Variants in BAZ1A observed in about 807,000 individuals in gnomAD.
The protein encoded by BAZ1A is bromodomain adjacent to zinc finger domain protein 1A.
In BAZ1A, 50 loss-of-function variants were observed where a neutral mutation model predicts 185.2. That is an observed-to-expected ratio of 0.27 (90% CI 0.22 to 0.34). The LOEUF (loss-of-function observed/expected upper bound fraction) is 0.34, where lower values mean the gene tolerates loss of function less well. Among genes scored for constraint, BAZ1A ranks in the 10% least tolerant of loss-of-function variants. BAZ1A has a pLI of 1.00. For synonymous variants in BAZ1A, 571 were observed against 615.6 expected, an observed-to-expected ratio of 0.93 and a Z score of 1.07; for missense variants, 1,356 against 1,839.9, an observed-to-expected ratio of 0.74 and a Z score of 4.81.
chr14:34,779,048 GGGTTTCACCAA>G (rs983023578), intron 17 of BAZ1A, among the ~76,000 whole-genome samples: 17 of 151,998 alleles, frequency 1.1e-4, no homozygotes, highest in Admixed American at 5.2e-4. Context: ...TGTGGCGATG[GGGTTTCACCAA>G]GGCTGATTTT....
intron 9 of BAZ1A, among the ~76,000 whole-genome samples, chr14:34,799,426 G>A (rs1172858037): frequency 1.3e-5 from 2 of 151,962 alleles, no homozygotes; most frequent in African/African-American, 4.8e-5. Context: ...ACTAAAATGA[G>A]CACAGAGCAT....
chr14:34,842,479 C>G (rs1389275810), intron 3 of BAZ1A, among the ~76,000 whole-genome samples: 1 of 152,140 alleles, frequency 6.6e-6, no homozygotes, highest in African/African-American at 2.4e-5. Flanking sequence ...TTTATTGAAG[C>G]ATTTTTCTCT....
Position 34,830,478 on chromosome 14 carries a change from G to A in BAZ1A, c.393-4322C>T, listed in dbSNP as rs187610317. On this transcript the variant is annotated intron_variant, in intron 3 of 26. Coordinates refer to ENST00000360310, the MANE Select transcript of BAZ1A (RefSeq NM_013448.3). Reference sequence around the variant, plus strand: ...TATAAAATCTAGGCAAATCTCTAGAGAGAAGATAGACAAAGTAGGTACCAG... The same window carrying A: ...TATAAAATCTAGGCAAATCTCTAGAAAGAAGATAGACAAAGTAGGTACCAG... Among the ~76,000 whole-genome samples, 385 of 150,032 alleles carry A rather than the reference G, an allele frequency of 2.6e-3. 9 individuals carry two copies. The highest frequency in any genetic ancestry group is 0.026 in the Admixed American group (382 of 14,942).
chr14:34,848,823 A>G (rs2042555241), intron 3 of BAZ1A, among the ~76,000 whole-genome samples: 1 of 152,198 alleles, frequency 6.6e-6, no homozygotes, highest in Non-Finnish European at 1.5e-5. Flanking sequence ...CATTTTACTG[A>G]TTTAACCTAT....
intron 6 of BAZ1A, 80 bp downstream of exon 6, chr14:34,807,371 C>T (rs1881908615): frequency 2.1e-6 from 2 of 965,644 alleles, no homozygotes; most frequent in South Asian, 2.1e-5. Flanking sequence ...TTTGAAATAA[C>T]ATTTCAGCAA....
intron 3 of BAZ1A, among the ~76,000 whole-genome samples, chr14:34,845,839 G>A (rs1452894086): frequency 1.4e-5 from 2 of 138,268 alleles, no homozygotes; most frequent in South Asian, 2.3e-4. Flanking sequence ...ACAGCCTGGC[G>A]ACAGAGCAAG....
At chr14:34,837,429 C>T (rs377495018) in intron 3 of BAZ1A, among the ~76,000 whole-genome samples, 4 of 149,214 alleles carry the variant, frequency 2.7e-5, no homozygotes, top group Non-Finnish European at 4.4e-5. Context: ...TGTAGAGATG[C>T]GTTTTTGCCA....
At chr14:34,755,371 A>G (rs1417358617) in intron 25 of BAZ1A, among the ~76,000 whole-genome samples, 1 of 152,124 alleles carries the variant, frequency 6.6e-6, no homozygotes, top group Non-Finnish European at 1.5e-5. Flanking sequence ...TCATTCAGAA[A>G]CCTTTACCTC....
rs866325911 is a variant in BAZ1A at position 34,847,045 on chromosome 14, G to A, written c.392+14999C>T. Among the ~76,000 whole-genome samples the A allele has an allele frequency of 5.3e-5, 8 of 152,300 alleles. No homozygotes were observed. The South Asian group carries it at 1.5e-3, about 28-fold the overall frequency. ...GTGGGTGTATCACCTGAGGTCAGGA[G>A]TTCAAGACCAGCCTGGCCAACATGG... On this transcript the variant is annotated intron_variant, in intron 3 of 26. Transcript: ENST00000360310.
intron 6 of BAZ1A, 129 bp downstream of exon 6, chr14:34,807,318 TAAAA>T (rs1390286081): frequency 1.8e-6 from 1 of 557,496 alleles, no homozygotes; most frequent in Non-Finnish European, 2.8e-6. Flanking sequence ...TCAGAAGTAC[TAAAA>T]ATTGGCTCCA....
intron 4 of BAZ1A, among the ~76,000 whole-genome samples, chr14:34,815,540 T>C (rs2041993464): frequency 1.3e-5 from 2 of 152,192 alleles, no homozygotes; most frequent in South Asian, 2.1e-4. Context: ...ACATCAAATA[T>C]TGTACTAATA....
At chr14:34,857,235 T>A (rs2042697450) in intron 3 of BAZ1A, among the ~76,000 whole-genome samples, 1 of 152,106 alleles carries the variant, frequency 6.6e-6, no homozygotes, top group South Asian at 2.1e-4. Context: ...CTCGATCTCC[T>A]GACCTCATGA....
chr14:34,807,313 A>C, intron 6 of BAZ1A, 138 bp downstream of exon 6: 1 of 512,082 alleles, frequency 2.0e-6, no homozygotes, highest in Non-Finnish European at 3.2e-6. Flanking sequence ...ATTTTTCAGA[A>C]GTACTAAAAA....
intron 3 of BAZ1A, among the ~76,000 whole-genome samples, chr14:34,827,698 G>A (rs1383518620): frequency 4.1e-5 from 6 of 147,920 alleles, no homozygotes; most frequent in African/African-American, 1.5e-4. Context: ...TTGCACCACT[G>A]CACTCCAGCC....
At chr14:34,869,005 G>T (rs1413160913) in intron 2 of BAZ1A, among the ~76,000 whole-genome samples, 2 of 150,474 alleles carry the variant, frequency 1.3e-5, no homozygotes, top group Non-Finnish European at 1.5e-5. Context: ...GGGAGATCGA[G>T]ACCATCCTGG....
intron 3 of BAZ1A, among the ~76,000 whole-genome samples, chr14:34,828,044 C>T (rs1448036338): frequency 3.3e-5 from 5 of 151,996 alleles, no homozygotes; most frequent in Non-Finnish European, 5.9e-5. Context: ...CCTGTAACCC[C>T]AGCACTTTGG....
At chr14:34,807,139 G>A (rs142620084) in intron 6 of BAZ1A, among the ~76,000 whole-genome samples, 161 of 149,780 alleles carry the variant, frequency 1.1e-3, no homozygotes, top group African/African-American at 3.6e-3. Context: ...CTTTGTAAGC[G>A]AGAACCACAC....
intron 21 of BAZ1A, chr14:34,768,694 T>A (rs778993702): frequency 2.5e-6 from 1 of 397,282 alleles, no homozygotes; most frequent in Non-Finnish European, 4.9e-6. Context: ...ATTTACCATC[T>A]CTCACACTAG....
rs371751933 is a variant in BAZ1A at position 34,773,842 on chromosome 14, A to G, written c.2998-116T>C. 159 of 1,094,780 alleles carry G rather than the reference A, an allele frequency of 1.5e-4. No individual in the cohort carries two copies. The East Asian group carries it at 2.2e-3, about 15-fold the overall frequency. 67.8% of individuals were successfully genotyped at this position (1,094,780 alleles called of 1,614,324 possible). A position where few individuals can be genotyped will look rare whatever the true frequency, so the allele number is the denominator to read the frequency against. The stretch of plus-strand genomic sequence containing the variant: ...ATGGATATTTTAGAAATGATTATGA[A>G]TCAAAAAGGTATCTAAAAATAAGGT... On this transcript the variant is annotated intron_variant, in intron 19 of 26. Transcript: ENST00000360310.
Sources: gnomAD v4.1 joint callset for allele counts (sites outside exome capture counted in the v4.1 genomes callset) on GRCh38, gnomAD v4.1.1 for gene constraint, MANE v1.5 for transcripts, NCBI Gene and HGNC (gene_info 2026-07-23, HGNC 2026-07-21) for gene names.